WWOX: variants seen among roughly 807,000 people sequenced by gnomAD.
WWOX encodes WW domain-containing oxidoreductase.
WWOX carries 69 observed loss-of-function variants against 46.2 expected under a neutral mutation model. The ratio of observed to expected loss-of-function variants is 1.49; its 90% CI spans 1.23 to 1.82. WWOX has a LOEUF of 1.82. WWOX is among the 40% of genes most tolerant of loss of function. The pLI is 0.00. For synonymous variants in WWOX, 359 were observed against 202.6 expected (o/e 1.77, Z -6.56); for missense variants, 919 against 542.6 (o/e 1.69, Z -6.89).
At position 78,832,443 on chromosome 16, in the gene WWOX, A is replaced by G. The variant is rs181348025; in HGVS notation, c.1057-379165A>G. ...GATTAGAAGAATACTAGTAAAGACC[A>G]TAGTTAGGAGAGGGGAACCTGGCTC... On this transcript the variant is annotated intron_variant, in intron 8 of 8. Coordinates refer to ENST00000566780, the MANE Select transcript of WWOX (RefSeq NM_016373.4). 2.5e-3 allele frequency among the ~76,000 whole-genome samples: 387 copies of G among 152,266 alleles called. 1 individual carries two copies. The highest frequency in any genetic ancestry group is 4.2e-3 in the Non-Finnish European group (284 of 68,012).
chr16:78,317,030 C>G (rs908208567), intron 5 of WWOX, among the ~76,000 whole-genome samples: 1 of 152,156 alleles, frequency 6.6e-6, no homozygotes, highest in South Asian at 2.1e-4. Flanking sequence ...ATATTAGAAT[C>G]CAAAGGTGAA....
chr16:78,853,148 C>G (rs1206144725), intron 8 of WWOX, among the ~76,000 whole-genome samples: 2 of 152,172 alleles, frequency 1.3e-5, no homozygotes, highest in African/African-American at 2.4e-5. Flanking sequence ...TACGTTATAA[C>G]AATATGTTAA....
At chr16:79,034,238 T>A (rs1466319555) in intron 8 of WWOX, among the ~76,000 whole-genome samples, 3 of 152,196 alleles carry the variant, frequency 2.0e-5, no homozygotes, top group Non-Finnish European at 4.4e-5. Context: ...TCATGCCCAA[T>A]GTAAAAATAG....
intron 8 of WWOX, among the ~76,000 whole-genome samples, chr16:78,450,036 AT>A (rs149754306): frequency 0.073 from 11,083 of 152,132 alleles, 487 homozygotes; most frequent in East Asian, 0.2. Flanking sequence ...GCTAAAAAAA[AT>A]AACCACCCGT....
At chr16:78,908,419 A>T (rs1211177904) in intron 8 of WWOX, among the ~76,000 whole-genome samples, 1 of 152,030 alleles carries the variant, frequency 6.6e-6, no homozygotes, top group Non-Finnish European at 1.5e-5. Context: ...AGGCGCCTGT[A>T]ATCCTAGCTA....
intron 8 of WWOX, among the ~76,000 whole-genome samples, chr16:78,726,111 CTCTG>C (rs1181720170): frequency 8.2e-5 from 10 of 122,212 alleles, no homozygotes; most frequent in South Asian, 2.6e-4. Flanking sequence ...CTCCCTCCCT[CTCTG>C]CCTCCCTCTC....
intron 8 of WWOX, among the ~76,000 whole-genome samples, chr16:78,709,495 C>T (rs966317124): frequency 6.6e-6 from 1 of 152,170 alleles, no homozygotes. Flanking sequence ...TCATCTCTGA[C>T]ACAGGCCCTC....
intron 8 of WWOX, among the ~76,000 whole-genome samples, chr16:78,652,389 A>C (rs1013203274): frequency 6.8e-6 from 1 of 147,740 alleles, no homozygotes. Flanking sequence ...AGCCTGGGTG[A>C]CAGAGCGAGA....
At chr16:78,579,925 G>C (rs376586520) in intron 8 of WWOX, among the ~76,000 whole-genome samples, 1 of 152,162 alleles carries the variant, frequency 6.6e-6, no homozygotes, top group Non-Finnish European at 1.5e-5. Context: ...ATCGACTTCT[G>C]TTCTGAATGT....
intron 5 of WWOX, among the ~76,000 whole-genome samples, chr16:78,371,546 TA>T (rs2081686715): frequency 4.6e-5 from 7 of 152,180 alleles, no homozygotes; most frequent in Admixed American, 4.6e-4. Flanking sequence ...ATTTCTATTA[TA>T]AATGGTTAAT....
chr16:78,502,466 T>C (rs1479514275), intron 8 of WWOX, among the ~76,000 whole-genome samples: 3 of 152,232 alleles, frequency 2.0e-5, no homozygotes, highest in Non-Finnish European at 2.9e-5. Flanking sequence ...GGTTTCTTCC[T>C]CTTAGCATCA....
At chr16:78,136,361 C>G (rs1074964) in intron 4 of WWOX, among the ~76,000 whole-genome samples, 1 of 152,018 alleles carries the variant, frequency 6.6e-6, no homozygotes, top group Non-Finnish European at 1.5e-5. Context: ...AGATTCATAA[C>G]AGGCTTATTT....
intron 8 of WWOX, among the ~76,000 whole-genome samples, chr16:78,609,995 A>T (rs745751073): frequency 6.0e-5 from 8 of 133,986 alleles, no homozygotes; most frequent in Non-Finnish European, 1.1e-4. Flanking sequence ...ACAGTGACGC[A>T]AACGACCTTT....
At chr16:79,040,862 CTT>C (rs1021984613) in intron 8 of WWOX, among the ~76,000 whole-genome samples, 10 of 152,050 alleles carry the variant, frequency 6.6e-5, no homozygotes, top group Admixed American at 4.6e-4. Context: ...CAGAAAGTAA[CTT>C]AGCTAGCTGT....
At chr16:78,159,460 GC>G (rs962580029) in intron 4 of WWOX, among the ~76,000 whole-genome samples, 78 of 152,102 alleles carry the variant, frequency 5.1e-4, no homozygotes, top group African/African-American at 1.9e-3. Flanking sequence ...GCATAAGGGG[GC>G]TCTTGTTTCC....
chr16:78,720,309 C>G (rs998718310), intron 8 of WWOX, among the ~76,000 whole-genome samples: 28 of 145,186 alleles, frequency 1.9e-4, no homozygotes, highest in Admixed American at 8.7e-4. Context: ...TTATATAGAT[C>G]TTTCTGAATT....
intron 8 of WWOX, among the ~76,000 whole-genome samples, chr16:79,120,159 G>C (rs1163149435): frequency 2.6e-5 from 4 of 152,306 alleles, no homozygotes; most frequent in South Asian, 4.1e-4. Flanking sequence ...TCAGGGACTG[G>C]ATTTTCCATA....
At chr16:78,957,899 C>T (rs562051143) in intron 8 of WWOX, among the ~76,000 whole-genome samples, 3 of 152,300 alleles carry the variant, frequency 2.0e-5, no homozygotes, top group East Asian at 3.9e-4. Context: ...ACTAATCCGC[C>T]CTTTCTTTTG....
chr16:78,562,319 A>G (rs534816471), intron 8 of WWOX, among the ~76,000 whole-genome samples: 3 of 152,302 alleles, frequency 2.0e-5, no homozygotes, highest in South Asian at 2.1e-4. Context: ...AAACCCATGC[A>G]TATTCTGCAT....
Sources: gnomAD v4.1 joint callset for allele counts (sites outside exome capture counted in the v4.1 genomes callset) on GRCh38, gnomAD v4.1.1 for gene constraint, MANE v1.5 for transcripts, NCBI Gene and HGNC (gene_info 2026-07-23, HGNC 2026-07-21) for gene names.